STON1: variants seen among roughly 807,000 people sequenced by gnomAD.
STON1 encodes stonin-1.
In STON1, 79 loss-of-function variants were observed where a neutral mutation model predicts 60.9. The observed-to-expected ratio is 1.30, with a 90% CI of 1.08 to 1.56. The LOEUF is 1.56. Among genes scored for constraint, STON1 ranks in the 40% most tolerant of loss-of-function variants. The probability of loss-of-function intolerance (pLI) is 0.00; values close to 1 mark genes in which losing one functional copy is unlikely to be tolerated. For synonymous variants in STON1, 363 were observed against 306.9 expected, an observed-to-expected ratio of 1.18 and a Z score of -1.91; for missense variants, 1,166 against 858.9, an observed-to-expected ratio of 1.36 and a Z score of -4.47.
chr2:48,585,195 GGAA>G (rs1401960029), intron 2 of STON1, among the ~76,000 whole-genome samples: 2 of 152,094 alleles, frequency 1.3e-5, no homozygotes, highest in African/African-American at 4.8e-5. Flanking sequence ...GTGATGGGAG[GGAA>G]GGTCAGTATC....
intron 2 of STON1, among the ~76,000 whole-genome samples, 173 bp downstream of exon 2, chr2:48,582,736 C>G (rs955508268): frequency 1.3e-5 from 2 of 152,120 alleles, no homozygotes; most frequent in African/African-American, 4.8e-5. Context: ...TTTCCTTTTG[C>G]ACCTATTTCT....
intron 1 of STON1, among the ~76,000 whole-genome samples, chr2:48,549,808 CTCAA>C (rs1206648096): frequency 9.6e-5 from 7 of 72,948 alleles, no homozygotes; most frequent in Non-Finnish European, 1.4e-4. Flanking sequence ...GTGACTCCAT[CTCAA>C]AAAAAAAAAA....
At chr2:48,594,847 T>C (rs1674711644) in intron 3 of STON1, among the ~76,000 whole-genome samples, 1 of 152,202 alleles carries the variant, frequency 6.6e-6, no homozygotes, top group South Asian at 2.1e-4. Flanking sequence ...TTATAAATCT[T>C]AAGGGGGCCA....
At chr2:48,540,006 C>T (rs1215117262) in intron 1 of STON1, among the ~76,000 whole-genome samples, 1 of 152,104 alleles carries the variant, frequency 6.6e-6, no homozygotes, top group Non-Finnish European at 1.5e-5. Context: ...CCCCTCACTG[C>T]ATGTATGGTC....
intron 1 of STON1, among the ~76,000 whole-genome samples, chr2:48,535,780 C>T (rs1417886684): frequency 6.6e-6 from 1 of 151,974 alleles, no homozygotes; most frequent in Non-Finnish European, 1.5e-5. Flanking sequence ...AGTCAGTGAG[C>T]ATTTGTGATT....
At chr2:48,548,559 C>T (rs944805602) in intron 1 of STON1, among the ~76,000 whole-genome samples, 2 of 151,042 alleles carry the variant, frequency 1.3e-5, no homozygotes, top group Non-Finnish European at 2.9e-5. Flanking sequence ...AGTGCAGTGG[C>T]GTGATCTCGG....
At chr2:48,562,556 A>T (rs1489412645) in intron 1 of STON1, among the ~76,000 whole-genome samples, 1 of 152,206 alleles carries the variant, frequency 6.6e-6, no homozygotes, top group Non-Finnish European at 1.5e-5. Flanking sequence ...CAGAAAAGCA[A>T]AGTGAGGCCA....
intron 1 of STON1, among the ~76,000 whole-genome samples, chr2:48,566,500 C>G (rs1325344744): frequency 6.6e-6 from 1 of 151,544 alleles, no homozygotes; most frequent in African/African-American, 2.4e-5. Flanking sequence ...TCAGGCTGGT[C>G]TCAATCTTCT....
In STON1 at chr2:48,582,254, G is replaced by A. The variant is rs763696544; in HGVS notation, c.1621G>A (p.Val541Met). The change falls in exon 2 of 4, where the codon GTG becomes ATG. Residue 541 changes from valine to methionine, a missense_variant. By Grantham distance (21) the Val-to-Met change is conservative. Coordinates refer to ENST00000404752, the MANE Select transcript of STON1 (RefSeq NM_006873.4). Reference sequence around the variant, plus strand: ...TGTAGTGGTTGTCCAGGGAGCATACGTGGAACTTCAGGCTTTTGTCAACAT... The same window carrying A: ...TGTAGTGGTTGTCCAGGGAGCATACATGGAACTTCAGGCTTTTGTCAACAT... ...KSVVVVQGAY[V>M]ELQAFVNMAS... 18 of 1,614,056 alleles carry A rather than the reference G, an allele frequency of 1.1e-5. No individual in the cohort carries two copies. The highest frequency in any genetic ancestry group is 3.3e-5 in the South Asian group (3 of 91,088).
intron 1 of STON1, among the ~76,000 whole-genome samples, chr2:48,561,315 C>A (rs1014700474): frequency 6.6e-6 from 1 of 152,220 alleles, no homozygotes; most frequent in East Asian, 1.9e-4. Flanking sequence ...ATTTGGTGTA[C>A]AAATCCCATC....
chr2:48,547,002 G>T (rs989361452), intron 1 of STON1, among the ~76,000 whole-genome samples: 1 of 152,176 alleles, frequency 6.6e-6, no homozygotes, highest in African/African-American at 2.4e-5. Context: ...GTGAGTTTCT[G>T]TTGAGTCAAA....
intron 3 of STON1, among the ~76,000 whole-genome samples, chr2:48,592,595 CTATTATTATTATTAT>C (rs3047606): frequency 5.3e-4 from 73 of 136,566 alleles, no homozygotes; most frequent in African/African-American, 1.2e-3. Context: ...CCACACCCAG[CTATTATTATTATTAT>C]TATTATTATT....
chr2:48,533,130 T>C (rs1467354051), intron 1 of STON1, among the ~76,000 whole-genome samples: 1 of 152,006 alleles, frequency 6.6e-6, no homozygotes. Context: ...CCGCTTGTAA[T>C]CCCAGCACTT....
At chr2:48,576,563 CGTT>C (rs1673512757) in intron 1 of STON1, among the ~76,000 whole-genome samples, 2 of 149,698 alleles carry the variant, frequency 1.3e-5, no homozygotes, top group South Asian at 2.1e-4. Flanking sequence ...ATAGATACCT[CGTT>C]GTAGTTTTGA....
chr2:48,564,414 T>TTCTTCTTCCTCTTCC (rs1491087236), intron 1 of STON1, among the ~76,000 whole-genome samples: 5 of 69,624 alleles, frequency 7.2e-5, no homozygotes, highest in African/African-American at 2.7e-4. Context: ...TGTCTTCTTC[T>TTCTTCTTCCTCTTCC]TCTTCTTCTT....
intron 1 of STON1, among the ~76,000 whole-genome samples, chr2:48,532,386 ATAAT>A (rs1558559257): frequency 8.3e-6 from 1 of 120,826 alleles, no homozygotes; most frequent in African/African-American, 3.0e-5. Context: ...AAATAAATAA[ATAAT>A]TGATAGGCAA....
rs773952778 is a variant in STON1 at position 48,564,578 on chromosome 2, T to TCTCCTCCTC, written c.-47-15991_-47-15983dup. ...TTCTTCTTCTTCTTCTCCTTCTCCT[T>TCTCCTCCTC]CTCCTCCTCCTCCTCCTCCTCCTCC... On this transcript the variant is annotated intron_variant, in intron 1 of 3. Coordinates refer to ENST00000404752, the MANE Select transcript of STON1 (RefSeq NM_006873.4). 6.0e-4 allele frequency among the ~76,000 whole-genome samples: 19 copies of TCTCCTCCTC among 31,706 alleles called. 5 individuals carry two copies. Among genetic ancestry groups the TCTCCTCCTC allele is most frequent in the African/African-American group, 1.0e-3 (6 of 5,978 alleles). The allele number at this position is 31,706 out of a possible 152,430, so 20.8% of individuals were successfully genotyped here. A position where few individuals can be genotyped will look rare whatever the true frequency, so the allele number is the denominator to read the frequency against.
intron 1 of STON1, among the ~76,000 whole-genome samples, chr2:48,554,726 A>T (rs13419587): frequency 0.37 from 23,045 of 62,202 alleles, 4,988 homozygotes; most frequent in East Asian, 0.5. Context: ...TTTTTTTTTT[A>T]TTTATTTATT....
intron 2 of STON1, among the ~76,000 whole-genome samples, chr2:48,586,928 C>T (rs1476377041): frequency 6.6e-6 from 1 of 151,976 alleles, no homozygotes; most frequent in African/African-American, 2.4e-5. Flanking sequence ...TCTCTATGGG[C>T]ATGAGGGAAA....
Sources: gnomAD v4.1 joint callset for allele counts (sites outside exome capture counted in the v4.1 genomes callset) on GRCh38, gnomAD v4.1.1 for gene constraint, MANE v1.5 for transcripts, NCBI Gene and HGNC (gene_info 2026-07-23, HGNC 2026-07-21) for gene names.